Variants in MYRIP observed in about 807,000 individuals in gnomAD.
MYRIP encodes rab effector MyRIP.
MYRIP carries 49 observed loss-of-function variants against 98.0 expected under a neutral mutation model. The ratio of observed to expected loss-of-function variants is 0.50; its 90% CI spans 0.40 to 0.63. The LOEUF (loss-of-function observed/expected upper bound fraction) is 0.63. Among genes scored for constraint, MYRIP ranks in the 30% least tolerant of loss-of-function variants. MYRIP has a pLI of 0.00. For missense variants in MYRIP, 1,004 were observed against 1,058.2 expected (o/e 0.95, Z 0.71); for synonymous variants, 404 against 409.5 (o/e 0.99, Z 0.16).
chr3:39,932,317 A>G (rs1944558513), intron 2 of MYRIP, among the ~76,000 whole-genome samples: 1 of 152,174 alleles, frequency 6.6e-6, no homozygotes, highest in African/African-American at 2.4e-5. Flanking sequence ...AGATGCCTCC[A>G]AAGTGGAAAC....
At chr3:39,950,562 CT>C (rs1037909521) in intron 2 of MYRIP, among the ~76,000 whole-genome samples, 2 of 152,138 alleles carry the variant, frequency 1.3e-5, no homozygotes, top group Non-Finnish European at 2.9e-5. Flanking sequence ...GTCAAAGTGA[CT>C]TTTTTATTTT....
intron 1 of MYRIP, among the ~76,000 whole-genome samples, chr3:39,823,361 A>C (rs1261336488): frequency 6.6e-6 from 1 of 152,178 alleles, no homozygotes. Flanking sequence ...ATAAATGCCC[A>C]GTAGCCCAGT....
intron 2 of MYRIP, among the ~76,000 whole-genome samples, chr3:40,035,114 C>T (rs546538943): frequency 6.7e-6 from 1 of 149,076 alleles, no homozygotes; most frequent in African/African-American, 2.5e-5. Flanking sequence ...AGGAGATATA[C>T]CTAATGCTAA....
At chr3:40,195,138 C>A (rs968141665) in intron 10 of MYRIP, among the ~76,000 whole-genome samples, 9 of 152,324 alleles carry the variant, frequency 5.9e-5, no homozygotes, top group Non-Finnish European at 1.2e-4. Context: ...TGACCTGCTT[C>A]CAGTGTTTCA....
intron 11 of MYRIP, among the ~76,000 whole-genome samples, chr3:40,213,056 C>T (rs144583567): frequency 4.6e-5 from 7 of 152,348 alleles, no homozygotes; most frequent in African/African-American, 1.7e-4. Context: ...CTTACTCTAC[C>T]TCACCTCCTA....
At chr3:40,083,338 T>G (rs924199438) in intron 3 of MYRIP, among the ~76,000 whole-genome samples, 1 of 152,176 alleles carries the variant, frequency 6.6e-6, no homozygotes, top group Non-Finnish European at 1.5e-5. Flanking sequence ...TAGACAAAGG[T>G]AGATTTGTCA....
intron 2 of MYRIP, among the ~76,000 whole-genome samples, chr3:39,952,062 C>T (rs574595249): frequency 3.9e-4 from 60 of 152,110 alleles, no homozygotes; most frequent in Non-Finnish European, 7.6e-4. Context: ...CAGCCTCTTC[C>T]CACCCTGGCC....
intron 3 of MYRIP, among the ~76,000 whole-genome samples, chr3:40,082,985 A>G (rs1003092446): frequency 6.6e-6 from 1 of 152,192 alleles, no homozygotes. Flanking sequence ...AAAGAAGCTG[A>G]GCATTATCTT....
chr3:39,817,580 C>A (rs564240585), intron 1 of MYRIP, among the ~76,000 whole-genome samples: 3 of 152,152 alleles, frequency 2.0e-5, no homozygotes, highest in East Asian at 3.9e-4. Context: ...TTCAGTATAT[C>A]AAATATACTT....
chr3:40,199,498 G>C (rs1362658529), intron 10 of MYRIP, among the ~76,000 whole-genome samples: 2 of 152,156 alleles, frequency 1.3e-5, no homozygotes, highest in African/African-American at 2.4e-5. Context: ...ACAAGTGCTT[G>C]TGAGGCATGC....
chr3:39,846,708 A>G (rs192322260), intron 1 of MYRIP, among the ~76,000 whole-genome samples: 1 of 152,320 alleles, frequency 6.6e-6, no homozygotes, highest in Non-Finnish European at 1.5e-5. Flanking sequence ...GTTAAGATTA[A>G]TGTTAGGGTT....
In MYRIP at chr3:39,995,375, A is replaced by G. The variant is rs548880026; in HGVS notation, c.111-48675A>G. 2.3e-4 allele frequency among the ~76,000 whole-genome samples: 35 copies of G among 152,346 alleles called. No homozygotes were observed. In the East Asian group the frequency reaches 3.3e-3, roughly 14 times the overall value. On this transcript the variant is annotated intron_variant, in intron 2 of 16. Coordinates refer to ENST00000302541, the MANE Select transcript of MYRIP (RefSeq NM_015460.4). The stretch of plus-strand genomic sequence containing the variant: ...ATGGAGCTGAAAACCATGGCACGAT[A>G]ACTACATGATGAATGCAGAAGCCTC...
intron 2 of MYRIP, among the ~76,000 whole-genome samples, chr3:39,986,905 C>T (rs572203789): frequency 2.6e-5 from 4 of 152,276 alleles, no homozygotes; most frequent in African/African-American, 4.8e-5. Flanking sequence ...CCCTTCTTCT[C>T]TTGTATCCTG....
chr3:40,125,119 G>C (rs1259381178), intron 3 of MYRIP, among the ~76,000 whole-genome samples: 1 of 152,222 alleles, frequency 6.6e-6, no homozygotes, highest in Non-Finnish European at 1.5e-5. Flanking sequence ...CATGGTACAT[G>C]TGATCCAGTG....
At chr3:40,158,056 C>G (rs1007895938) in intron 4 of MYRIP, among the ~76,000 whole-genome samples, 7 of 151,992 alleles carry the variant, frequency 4.6e-5, no homozygotes, top group Admixed American at 2.0e-4. Context: ...TGTGTTTGCT[C>G]TTGCTTTTCT....
intron 2 of MYRIP, among the ~76,000 whole-genome samples, chr3:39,974,912 T>C (rs1486037357): frequency 6.6e-6 from 1 of 152,002 alleles, no homozygotes; most frequent in Non-Finnish European, 1.5e-5. Flanking sequence ...ATAAGAGCTA[T>C]CTATGACAAA....
rs779279058 is a variant in MYRIP at position 40,167,245 on chromosome 3, TG to T, written c.729+9del. The T allele has an allele frequency of 2.5e-6, 4 of 1,613,958 alleles. No individual in the cohort carries two copies. The South Asian group carries it at 4.4e-5, about 18-fold the overall frequency. On this transcript the variant is annotated splice_region_variant and intron_variant, in intron 7 of 16. Coordinates refer to ENST00000302541, the MANE Select transcript of MYRIP (RefSeq NM_015460.4). Reference sequence around the variant, plus strand: ...CCACGACAATCCTGCAGAAGGTAGGTGGGTCCTGGCAGTGGGATGGCTGCAG... The same window carrying T: ...CCACGACAATCCTGCAGAAGGTAGGTGGTCCTGGCAGTGGGATGGCTGCAG...
chr3:39,928,089 A>G (rs11928748), intron 2 of MYRIP, among the ~76,000 whole-genome samples: 56,124 of 151,734 alleles, frequency 0.37, 10,690 homozygotes, highest in East Asian at 0.45. Flanking sequence ...GAACTTAGAG[A>G]ATTTCAGTTT....
intron 1 of MYRIP, among the ~76,000 whole-genome samples, chr3:39,882,061 A>G (rs1029676331): frequency 6.6e-6 from 1 of 152,238 alleles, no homozygotes; most frequent in African/African-American, 2.4e-5. Flanking sequence ...TTAGCATTTT[A>G]TAATATTTAA....
Sources: gnomAD v4.1 joint callset for allele counts (sites outside exome capture counted in the v4.1 genomes callset) on GRCh38, gnomAD v4.1.1 for gene constraint, MANE v1.5 for transcripts, NCBI Gene and HGNC (gene_info 2026-07-23, HGNC 2026-07-21) for gene names.